NDUFS4: variants seen among roughly 807,000 people sequenced by gnomAD.
The protein encoded by NDUFS4 is NADH dehydrogenase [ubiquinone] iron-sulfur protein 4, mitochondrial.
A neutral mutation model predicts 24.3 loss-of-function variants in NDUFS4; 28 were observed. The ratio of observed to expected loss-of-function variants is 1.15; its 90% CI spans 0.85 to 1.58. NDUFS4 has a LOEUF of 1.58. Ranked by LOEUF, NDUFS4 falls within the 40% of genes most tolerant of loss-of-function variation. The pLI, the probability that NDUFS4 is intolerant of heterozygous loss-of-function variation, is 0.00. For missense variants in NDUFS4, 223 were observed against 207.9 expected (o/e 1.07, Z -0.45); for synonymous variants, 93 against 69.7 (o/e 1.34, Z -1.67).
chr5:53,640,971 A>G (rs1751691324), intron 2 of NDUFS4, among the ~76,000 whole-genome samples: 1 of 152,122 alleles, frequency 6.6e-6, no homozygotes, highest in South Asian at 2.1e-4. Context: ...AACTTCCCTG[A>G]GAGCTGGTGT....
intron 1 of NDUFS4, among the ~76,000 whole-genome samples, chr5:53,574,088 A>G (rs1749309460): frequency 6.6e-6 from 1 of 152,110 alleles, no homozygotes; most frequent in African/African-American, 2.4e-5. Context: ...CTTTCCAATC[A>G]CTAGGTCTTT....
intron 1 of NDUFS4, among the ~76,000 whole-genome samples, chr5:53,572,761 C>T (rs980304742): frequency 3.3e-5 from 5 of 151,452 alleles, no homozygotes; most frequent in Admixed American, 3.3e-4. Flanking sequence ...TCTCCTGCCT[C>T]AGCCTCCCAA....
At chr5:53,586,147 G>T (rs758892573) in intron 1 of NDUFS4, among the ~76,000 whole-genome samples, 1 of 151,644 alleles carries the variant, frequency 6.6e-6, no homozygotes, top group African/African-American at 2.4e-5. Flanking sequence ...TGACTAACAC[G>T]GCGAAACCCC....
intron 2 of NDUFS4, among the ~76,000 whole-genome samples, chr5:53,609,636 G>A (rs1277427287): frequency 1.3e-5 from 2 of 152,152 alleles, no homozygotes; most frequent in African/African-American, 4.8e-5. Context: ...CTTCTCTCTA[G>A]CTATGAAAGT....
chr5:53,601,287 G>A (rs1750314668), intron 1 of NDUFS4, among the ~76,000 whole-genome samples: 1 of 152,122 alleles, frequency 6.6e-6, no homozygotes, highest in Admixed American at 6.5e-5. Flanking sequence ...ATAGGCATGA[G>A]CCACCGCGCC....
At chr5:53,609,118 T>C (rs2054101899) in intron 2 of NDUFS4, among the ~76,000 whole-genome samples, 1 of 152,238 alleles carries the variant, frequency 6.6e-6, no homozygotes, top group Non-Finnish European at 1.5e-5. Context: ...TCATCTCCTA[T>C]GAGTCACAAA....
chr5:53,561,923 A>C (rs984247115), intron 1 of NDUFS4, among the ~76,000 whole-genome samples: 1 of 152,210 alleles, frequency 6.6e-6, no homozygotes, highest in Admixed American at 6.5e-5. Flanking sequence ...AGTCACTCAA[A>C]AGTAAGGGTG....
intron 2 of NDUFS4, among the ~76,000 whole-genome samples, chr5:53,633,653 A>G (rs1751471777): frequency 6.6e-6 from 1 of 152,194 alleles, no homozygotes; most frequent in Non-Finnish European, 1.5e-5. Flanking sequence ...ATAAATTTGT[A>G]TGCTTTTCTC....
intron 4 of NDUFS4, among the ~76,000 whole-genome samples, chr5:53,678,749 A>G (rs1740556408): frequency 6.6e-6 from 1 of 152,198 alleles, no homozygotes. Context: ...CTTGCAAAAT[A>G]CATCCTTTTT....
chr5:53,588,259 C>T (rs550200507), intron 1 of NDUFS4, among the ~76,000 whole-genome samples: 30 of 152,262 alleles, frequency 2.0e-4, no homozygotes, highest in African/African-American at 5.3e-4. Context: ...AGAATGTTAA[C>T]GATCATCTGA....
intron 4 of NDUFS4, among the ~76,000 whole-genome samples, chr5:53,667,294 C>T (rs1285925915): frequency 3.3e-5 from 5 of 151,958 alleles, no homozygotes; most frequent in Admixed American, 6.6e-5. Flanking sequence ...GGAGAACCCT[C>T]GTCTCTACTA....
intron 4 of NDUFS4, among the ~76,000 whole-genome samples, chr5:53,661,013 C>A (rs1346297861): frequency 6.6e-6 from 1 of 152,310 alleles, no homozygotes. Flanking sequence ...GATTAGATCC[C>A]ATTTGTCAAT....
chr5:53,597,985 A>G (rs1254328569), intron 1 of NDUFS4, among the ~76,000 whole-genome samples: 1 of 152,260 alleles, frequency 6.6e-6, no homozygotes. Flanking sequence ...ACAGATGACT[A>G]ATAATCATAT....
chr5:53,676,865 C>T (rs1368160523), intron 4 of NDUFS4, among the ~76,000 whole-genome samples: 1 of 152,004 alleles, frequency 6.6e-6, no homozygotes, highest in Non-Finnish European at 1.5e-5. Flanking sequence ...TCATAGATAG[C>T]TTTTTCCTCC....
At chr5:53,645,288 A>C (rs534169561) in intron 2 of NDUFS4, among the ~76,000 whole-genome samples, 1 of 152,170 alleles carries the variant, frequency 6.6e-6, no homozygotes, top group Non-Finnish European at 1.5e-5. Context: ...TAACCCATTT[A>C]TGTCTGAGGT....
chr5:53,580,075 A>G (rs1379119959), intron 1 of NDUFS4, among the ~76,000 whole-genome samples: 1 of 152,184 alleles, frequency 6.6e-6, no homozygotes, highest in East Asian at 1.9e-4. Context: ...TCAATCCACA[A>G]ATTTCGTAGT....
At chr5:53,575,644 C>G (rs578121068) in intron 1 of NDUFS4, among the ~76,000 whole-genome samples, 1 of 135,996 alleles carries the variant, frequency 7.4e-6, no homozygotes, top group African/African-American at 2.8e-5. Flanking sequence ...CGGGTTAAAT[C>G]GATTCATGTG....
At chr5:53,637,009 T>A (rs1236609813) in intron 2 of NDUFS4, among the ~76,000 whole-genome samples, 1 of 152,224 alleles carries the variant, frequency 6.6e-6, no homozygotes, top group Admixed American at 6.5e-5. Flanking sequence ...TTTACAGCAA[T>A]GTGAGAACAG....
intron 2 of NDUFS4, among the ~76,000 whole-genome samples, chr5:53,633,560 C>T (rs1286423633): frequency 2.6e-5 from 4 of 152,110 alleles, no homozygotes; most frequent in South Asian, 4.1e-4. Context: ...ATCTAGCCTA[C>T]GCATAAAAAC....
Sources: allele counts gnomAD v4.1 joint callset (sites outside exome capture counted in the v4.1 genomes callset), GRCh38; gene constraint gnomAD v4.1.1; transcripts MANE v1.5; gene names NCBI Gene and HGNC (gene_info 2026-07-23, HGNC 2026-07-21).